The following ADAMTS3 variants were observed in gnomAD, a reference collection of about 807,000 sequenced individuals.
The protein encoded by ADAMTS3 is A disintegrin and metalloproteinase with thrombospondin motifs 3.
ADAMTS3 carries 73 observed loss-of-function variants against 129.0 expected under a neutral mutation model. That is an observed-to-expected ratio of 0.57 (90% CI 0.47 to 0.69). The LOEUF (loss-of-function observed/expected upper bound fraction) is 0.69. ADAMTS3 is among the 30% of genes least tolerant of loss of function. The probability of loss-of-function intolerance (pLI) is 0.00; values close to 1 mark genes in which losing one functional copy is unlikely to be tolerated. For missense variants in ADAMTS3, 1,457 were observed against 1,514.5 expected (o/e 0.96, Z 0.63); for synonymous variants, 477 against 510.8 (o/e 0.93, Z 0.89).
intron 17 of ADAMTS3, among the ~76,000 whole-genome samples, chr4:72,299,996 T>C (rs939074317): frequency 5.9e-5 from 9 of 152,192 alleles, no homozygotes; most frequent in African/African-American, 2.2e-4. Context: ...AAATGTGCAA[T>C]TCATTGGTAT....
chr4:72,420,081 T>G (rs893953747), intron 3 of ADAMTS3, among the ~76,000 whole-genome samples: 1 of 151,778 alleles, frequency 6.6e-6, no homozygotes, highest in Non-Finnish European at 1.5e-5. Context: ...AAAAAAAAAG[T>G]GGTACCTTTT....
At chr4:72,305,817 T>A (rs747083087) in intron 16 of ADAMTS3, among the ~76,000 whole-genome samples, 170 bp downstream of exon 16, 3 of 152,000 alleles carry the variant, frequency 2.0e-5, no homozygotes, top group African/African-American at 7.3e-5. Flanking sequence ...ATCATGCACA[T>A]GTACGCACAT....
In ADAMTS3 at chr4:72,352,939, A is replaced by G. The variant is rs1437290380; in HGVS notation, c.662-13246T>C. Among the ~76,000 whole-genome samples the G allele has an allele frequency of 2.6e-5, 4 of 152,090 alleles. No homozygotes were observed. The East Asian group carries it at 7.8e-4, about 30-fold the overall frequency. On this transcript the variant is annotated intron_variant, in intron 4 of 21. Coordinates refer to ENST00000286657, the MANE Select transcript of ADAMTS3 (RefSeq NM_014243.3). ...GAAGCAAGATCATGAAGAATCTTAA[A>G]TATTTTGTAAACAGGCTTCAGGCCA...
intron 4 of ADAMTS3, among the ~76,000 whole-genome samples, chr4:72,384,965 G>A (rs546077503): frequency 2.0e-5 from 3 of 152,006 alleles, no homozygotes; most frequent in Non-Finnish European, 2.9e-5. Context: ...TCAGGAGATC[G>A]AGACCATCCT....
At chr4:72,562,386 A>T (rs1476958705) in intron 2 of ADAMTS3, among the ~76,000 whole-genome samples, 1 of 152,152 alleles carries the variant, frequency 6.6e-6, no homozygotes, top group Non-Finnish European at 1.5e-5. Context: ...TAAAGTAGTC[A>T]CTTGAAATGC....
intron 4 of ADAMTS3, among the ~76,000 whole-genome samples, chr4:72,392,612 T>G (rs1721625299): frequency 6.6e-6 from 1 of 152,182 alleles, no homozygotes; most frequent in Non-Finnish European, 1.5e-5. Flanking sequence ...AGAACAGTTC[T>G]TTTTAAAAGA....
At chr4:72,371,345 A>C (rs577303152) in intron 4 of ADAMTS3, among the ~76,000 whole-genome samples, 1 of 152,192 alleles carries the variant, frequency 6.6e-6, no homozygotes, top group African/African-American at 2.4e-5. Context: ...GGTTAAAATA[A>C]AAAAATTAAT....
chr4:72,409,026 T>C (rs1408261541), intron 4 of ADAMTS3, among the ~76,000 whole-genome samples: 2 of 151,668 alleles, frequency 1.3e-5, no homozygotes, highest in Non-Finnish European at 2.9e-5. Flanking sequence ...GTAACAAAAC[T>C]GCAGGTTCTG....
chr4:72,319,318 A>T lies in ADAMTS3; in HGVS notation c.1352+14T>A. 1 of 1,613,628 alleles carries T rather than the reference A, an allele frequency of 6.2e-7. No individual in the cohort carries two copies. The highest frequency in any genetic ancestry group is 8.5e-7 in the Non-Finnish European group (1 of 1,179,814). ...TAAAATAAATACTTTCATGACATGCAGCAGGGGACATACTGGATATATCTT... is the reference window on the plus strand; with the variant it reads ...TAAAATAAATACTTTCATGACATGCTGCAGGGGACATACTGGATATATCTT... On this transcript the variant is annotated intron_variant, in intron 9 of 21. Transcript: ENST00000286657.
intron 4 of ADAMTS3, among the ~76,000 whole-genome samples, chr4:72,381,225 A>C (rs1721280679): frequency 6.6e-6 from 1 of 152,188 alleles, no homozygotes; most frequent in Non-Finnish European, 1.5e-5. Flanking sequence ...TGTGCATTTA[A>C]TAGTATAGTA....
intron 3 of ADAMTS3, among the ~76,000 whole-genome samples, chr4:72,518,821 C>G (rs1472850967): frequency 1.3e-5 from 2 of 150,674 alleles, no homozygotes; most frequent in East Asian, 3.9e-4. Flanking sequence ...TTAATTGGAG[C>G]ATTTAGTCCA....
At chr4:72,296,035 T>C (rs1449929891) in intron 18 of ADAMTS3, among the ~76,000 whole-genome samples, 8 of 152,072 alleles carry the variant, frequency 5.3e-5, no homozygotes. Context: ...AGACTCTAAA[T>C]ATACACAGTC....
chr4:72,320,373 T>C (rs1237728911), intron 7 of ADAMTS3, among the ~76,000 whole-genome samples: 1 of 152,216 alleles, frequency 6.6e-6, no homozygotes, highest in East Asian at 1.9e-4. Flanking sequence ...AAGCTGACTT[T>C]GGAAGAAAGC....
intron 3 of ADAMTS3, among the ~76,000 whole-genome samples, chr4:72,493,701 G>A (rs1044213643): frequency 6.6e-6 from 1 of 152,018 alleles, no homozygotes. Context: ...AATGCTTTTT[G>A]TTGTTGTTTA....
At chr4:72,285,857 T>C (rs1718492385) in intron 21 of ADAMTS3, among the ~76,000 whole-genome samples, 2 of 151,944 alleles carry the variant, frequency 1.3e-5, no homozygotes, top group South Asian at 2.1e-4. Context: ...TAAGGCAACT[T>C]TTCAGACTTC....
rs188026571 is a variant in ADAMTS3 at position 72,284,338 on chromosome 4, G to A, written c.3050-634C>T. Among the ~76,000 whole-genome samples, 1,465 of 151,970 alleles carry A rather than the reference G, an allele frequency of 9.6e-3. 23 individuals are homozygous for A. The highest frequency in any genetic ancestry group is 0.033 in the African/African-American group (1,386 of 41,440). ...CAGGCGCCTGTAGTCCCAGCTACTC[G>A]TGAGGCTGAGGTAGGAGAGTGGCGT... On this transcript the variant is annotated intron_variant, in intron 21 of 21. Transcript: ENST00000286657.
intron 4 of ADAMTS3, among the ~76,000 whole-genome samples, chr4:72,348,559 G>C (rs1720346148): frequency 6.6e-6 from 1 of 152,002 alleles, no homozygotes; most frequent in South Asian, 2.1e-4. Flanking sequence ...CTGTGCCTTT[G>C]ATGAGGTATC....
chr4:72,395,444 G>C (rs1412884993), intron 4 of ADAMTS3, among the ~76,000 whole-genome samples: 1 of 152,132 alleles, frequency 6.6e-6, no homozygotes, highest in Non-Finnish European at 1.5e-5. Flanking sequence ...CCAAAATAAT[G>C]AGTGTATACT....
At chr4:72,361,496 C>T (rs1720726482) in intron 4 of ADAMTS3, among the ~76,000 whole-genome samples, 1 of 152,032 alleles carries the variant, frequency 6.6e-6, no homozygotes, top group African/African-American at 2.4e-5. Flanking sequence ...AAGATCTTTA[C>T]AGTAGATTTA....
Sources: allele counts gnomAD v4.1 joint callset (sites outside exome capture counted in the v4.1 genomes callset), GRCh38; gene constraint gnomAD v4.1.1; transcripts MANE v1.5; gene names NCBI Gene and HGNC (gene_info 2026-07-23, HGNC 2026-07-21).